The following CLOCK variants were observed in gnomAD, a reference collection of about 807,000 sequenced individuals.
The protein encoded by CLOCK is clock circadian regulator, also known as circadian locomoter output cycles protein kaput.
Under a neutral mutation model 118.4 loss-of-function variants are expected in CLOCK, and 43 were observed. The ratio of observed to expected loss-of-function variants is 0.36; its 90% confidence interval spans 0.28 to 0.47. CLOCK has a LOEUF of 0.47. Among genes scored for constraint, CLOCK ranks in the 20% least tolerant of loss-of-function variants. The pLI, the probability that CLOCK is intolerant of heterozygous loss-of-function variation, is 1.00. For missense variants in CLOCK, 846 were observed against 999.9 expected, an observed-to-expected ratio of 0.85 and a Z score of 2.08; for synonymous variants, 326 against 339.2, an observed-to-expected ratio of 0.96 and a Z score of 0.43.
chr4:55,468,222 A>G (rs1192105585), intron 8 of CLOCK, among the ~76,000 whole-genome samples: 1 of 152,178 alleles, frequency 6.6e-6, no homozygotes, highest in African/African-American at 2.4e-5. Flanking sequence ...AGCCTCTGAA[A>G]GCATTAGCAT....
chr4:55,489,975 A>T (rs887463535), intron 2 of CLOCK, among the ~76,000 whole-genome samples: 1 of 152,100 alleles, frequency 6.6e-6, no homozygotes, highest in Non-Finnish European at 1.5e-5. Flanking sequence ...ACAGGAGGAA[A>T]GGAAAAGAGG....
intron 7 of CLOCK, among the ~76,000 whole-genome samples, chr4:55,473,726 T>A (rs1300255278): frequency 6.6e-6 from 1 of 152,052 alleles, no homozygotes; most frequent in Non-Finnish European, 1.5e-5. Context: ...ATCAGCATCA[T>A]TTTTTTTAAT....
At chr4:55,457,011 A>AG (rs1487266926) in intron 11 of CLOCK, among the ~76,000 whole-genome samples, 1 of 152,170 alleles carries the variant, frequency 6.6e-6, no homozygotes, top group Admixed American at 6.5e-5. Context: ...TTAATTTTCC[A>AG]GTACTAAAGA....
At chr4:55,465,378 C>T (rs1421891079) in intron 8 of CLOCK, among the ~76,000 whole-genome samples, 2 of 152,142 alleles carry the variant, frequency 1.3e-5, no homozygotes, top group African/African-American at 4.8e-5. Context: ...CCAATTCCCC[C>T]ATGGATACCA....
At position 55,430,184 on chromosome 4, in the gene CLOCK, T is replaced by C. The variant is rs1468674677; in HGVS notation, c.*5231A>G. On this transcript the variant is annotated 3_prime_UTR_variant, in exon 23 of 23. Transcript: ENST00000513440. ...CTTTCATAAATACTTACTAGTTTGA[T>C]TGTCACTTAATGCAGCACCTCAGTG... The C allele has an allele frequency of 1.3e-5, 2 of 151,808 alleles. No homozygotes were observed. Among genetic ancestry groups the C allele is most frequent in the African/African-American group, 2.4e-5 (1 of 41,424 alleles). 9.4% of individuals were successfully genotyped at this position (151,808 alleles called of 1,614,324 possible).
chr4:55,537,137 C>G (rs1038869364), intron 1 of CLOCK, among the ~76,000 whole-genome samples: 1 of 152,020 alleles, frequency 6.6e-6, no homozygotes, highest in African/African-American at 2.4e-5. Flanking sequence ...AGTAAGACAT[C>G]AGGAAAGAAA....
chr4:55,448,601 C>CGCGCGTACGCGCGCGCGCGTGTGTGT (rs764071880), intron 18 of CLOCK, among the ~76,000 whole-genome samples, 178 bp downstream of exon 18: 1 of 116,980 alleles, frequency 8.5e-6, no homozygotes, highest in Non-Finnish European at 1.8e-5. Flanking sequence ...CGCACGCGCG[C>CGCGCGTACGCGCGCGCGCGTGTGTGT]GTGTGTGTGT....
At chr4:55,445,749 C>T (rs1341630207) in intron 18 of CLOCK, among the ~76,000 whole-genome samples, 1 of 151,520 alleles carries the variant, frequency 6.6e-6, no homozygotes, top group Non-Finnish European at 1.5e-5. Flanking sequence ...CACCACCACA[C>T]CTGGCTAACA....
intron 2 of CLOCK, among the ~76,000 whole-genome samples, 159 bp from the exon 3 acceptor site, chr4:55,489,624 A>G (rs900416302): frequency 3.9e-5 from 6 of 152,190 alleles, no homozygotes; most frequent in Admixed American, 1.3e-4. Flanking sequence ...AGAAAACAAA[A>G]TAACTTAAAA....
chr4:55,544,969 T>C (rs1380698767), intron 1 of CLOCK, among the ~76,000 whole-genome samples: 1 of 152,140 alleles, frequency 6.6e-6, no homozygotes, highest in African/African-American at 2.4e-5. Flanking sequence ...TGCATGTTAG[T>C]ACGTAGAAAG....
chr4:55,465,759 C>G (rs1028223838), intron 8 of CLOCK, among the ~76,000 whole-genome samples: 6 of 152,050 alleles, frequency 3.9e-5, no homozygotes, highest in African/African-American at 1.5e-4. Flanking sequence ...CAAGACCAGC[C>G]TGGCTAACAT....
Position 55,450,252 on chromosome 4 carries a change from T to C in CLOCK, c.1207-20A>G. On this transcript the variant is annotated intron_variant, in intron 15 of 22. Transcript: ENST00000513440. Reference sequence around the variant, plus strand: ...TTGGCTCTATGGAGACAGAGTAAAATAAATGTTTTCTTGTGGTTCAGTTCA... The same window carrying C: ...TTGGCTCTATGGAGACAGAGTAAAACAAATGTTTTCTTGTGGTTCAGTTCA... 1 of 1,613,662 alleles carries C rather than the reference T, an allele frequency of 6.2e-7. No homozygotes were observed. The highest frequency in any genetic ancestry group is 8.5e-7 in the Non-Finnish European group (1 of 1,179,752).
intron 1 of CLOCK, among the ~76,000 whole-genome samples, chr4:55,527,109 T>C (rs1162330956): frequency 3.9e-5 from 6 of 152,098 alleles, no homozygotes; most frequent in Admixed American, 3.9e-4. Context: ...TGTGAAACGT[T>C]ATAAAGAAAA....
chr4:55,462,283 T>TC (rs1725396688), intron 9 of CLOCK, among the ~76,000 whole-genome samples: 1 of 152,222 alleles, frequency 6.6e-6, no homozygotes, highest in African/African-American at 2.4e-5. Context: ...TCCAAAGGGT[T>TC]CCACCTTTCT....
At chr4:55,485,787 G>A (rs1727260308) in intron 3 of CLOCK, among the ~76,000 whole-genome samples, 1 of 152,140 alleles carries the variant, frequency 6.6e-6, no homozygotes, top group South Asian at 2.1e-4. Flanking sequence ...TGCTTGAGGG[G>A]ATGACATCCC....
chr4:55,545,048 CTAACT>C (rs1021073772), intron 1 of CLOCK, among the ~76,000 whole-genome samples: 3 of 91,108 alleles, frequency 3.3e-5, no homozygotes, highest in Non-Finnish European at 4.9e-5. Context: ...TTTCTTCAGG[CTAACT>C]TTTTTTTTTT....
Position 55,430,607 on chromosome 4 carries a change from A to C in CLOCK, c.*4808T>G, listed in dbSNP as rs1722434177. ...CTTTAACCAAAGTATTCTTTTTCTC[A>C]GTCCTTTTTGTGCAAAAATATTACA... On this transcript the variant is annotated 3_prime_UTR_variant, in exon 23 of 23. Transcript: ENST00000513440. 1 of 152,172 alleles carries C rather than the reference A, an allele frequency of 6.6e-6. No individual in the cohort carries two copies. Among genetic ancestry groups the C allele is most frequent in the Non-Finnish European group, 1.5e-5 (1 of 68,026 alleles). The allele number at this position is 152,172 out of a possible 1,614,324, so 9.4% of individuals were successfully genotyped here.
At position 55,435,171 on chromosome 4, in the gene CLOCK, C is replaced by T. The variant is rs1023129239; in HGVS notation, c.*244G>A. ...ATATTCTTTTTCCATCAAAAAATAT[C>T]CAGGCACCTAAAACACTGTCAGAAC... On this transcript the variant is annotated 3_prime_UTR_variant, in exon 23 of 23. Transcript: ENST00000513440. The T allele has an allele frequency of 2.3e-5, 12 of 523,914 alleles. No individual in the cohort carries two copies. The highest frequency in any genetic ancestry group is 3.8e-5 in the Non-Finnish European group (11 of 288,742). The allele number at this position is 523,914 out of a possible 1,614,324, so 32.5% of individuals were successfully genotyped here.
At chr4:55,444,510 T>G in intron 19 of CLOCK, 123 bp downstream of exon 19, 1 of 1,166,694 alleles carries the variant, frequency 8.6e-7, no homozygotes, top group South Asian at 1.2e-5. Context: ...CCAGTGAATA[T>G]TTATTGAACT....
Sources: gnomAD v4.1 joint callset for allele counts (sites outside exome capture counted in the v4.1 genomes callset) on GRCh38, gnomAD v4.1.1 for gene constraint, MANE v1.5 for transcripts, NCBI Gene and HGNC (gene_info 2026-07-23, HGNC 2026-07-21) for gene names.